LIMCH1: variants seen among roughly 807,000 people sequenced by gnomAD.
LIMCH1 encodes the protein LIM and calponin homology domains-containing protein 1.
Under a neutral mutation model 176.5 loss-of-function variants are expected in LIMCH1, and 113 were observed. The observed-to-expected ratio is 0.64, with a 90% CI of 0.55 to 0.75. The LOEUF (loss-of-function observed/expected upper bound fraction) is 0.75, where lower values mean the gene tolerates loss of function less well. LIMCH1 is among the 30% of genes least tolerant of loss of function. The pLI is 0.00. For missense variants in LIMCH1, 1,674 were observed against 1,814.9 expected (o/e 0.92, Z 1.41); for synonymous variants, 619 against 645.9 (o/e 0.96, Z 0.63).
chr4:41,501,886 T>TTAA (rs1491160799), intron 2 of LIMCH1, among the ~76,000 whole-genome samples: 1 of 97,936 alleles, frequency 1.0e-5, no homozygotes, highest in Non-Finnish European at 2.0e-5. Flanking sequence ...TTTTTTTTTT[T>TTAA]AAAAAAAACC....
At chr4:41,394,849 C>T (rs2057630902) in intron 1 of LIMCH1, among the ~76,000 whole-genome samples, 1 of 152,212 alleles carries the variant, frequency 6.6e-6, no homozygotes, top group Non-Finnish European at 1.5e-5. Flanking sequence ...AGAACAAGAA[C>T]ACTGCCTGTG....
At chr4:41,663,058 G>A (rs1170915120) in intron 20 of LIMCH1, 74 bp downstream of exon 20, 1 of 1,341,624 alleles carries the variant, frequency 7.5e-7, no homozygotes, top group Non-Finnish European at 1.0e-6. Flanking sequence ...AGCTGCTGCT[G>A]TGGCAGTTGT....
intron 1 of LIMCH1, among the ~76,000 whole-genome samples, chr4:41,574,305 C>G (rs1018501168): frequency 1.8e-5 from 2 of 112,924 alleles, no homozygotes; most frequent in Non-Finnish European, 3.5e-5. Flanking sequence ...CTCCCCTCTC[C>G]TTTTTTGAGA....
chr4:41,685,661 TA>T (rs752925107), intron 27 of LIMCH1, 48 bp from the exon 28 acceptor site: 1 of 1,607,716 alleles, frequency 6.2e-7, no homozygotes, highest in South Asian at 1.1e-5. Context: ...TCCTAGGTAG[TA>T]AGGTGATTTT....
At chr4:41,644,740 G>T (rs977341311) in intron 15 of LIMCH1, 114 bp downstream of exon 15, 16 of 1,289,510 alleles carry the variant, frequency 1.2e-5, no homozygotes, top group Admixed American at 1.1e-4. Context: ...CCCCTAGAGG[G>T]TTTCAAAAGG....
chr4:41,475,374 T>G (rs1440274501), intron 1 of LIMCH1, among the ~76,000 whole-genome samples: 57 of 152,222 alleles, frequency 3.7e-4, no homozygotes, highest in Admixed American at 3.7e-3. Context: ...AGTCCTATAA[T>G]GTATGTCATA....
intron 2 of LIMCH1, among the ~76,000 whole-genome samples, chr4:41,500,010 CTCAT>C (rs2072966071): frequency 6.6e-6 from 1 of 152,108 alleles, no homozygotes; most frequent in South Asian, 2.1e-4. Flanking sequence ...TAATTTCTTC[CTCAT>C]GGTTAAATCC....
chr4:41,689,479 G>C (rs202175487), intron 29 of LIMCH1, 48 bp from the exon 30 acceptor site: 66 of 977,486 alleles, frequency 6.8e-5, no homozygotes, highest in Admixed American at 1.7e-4. Context: ...TGTTTGACCA[G>C]GTATTCTAAA....
At chr4:41,480,962 C>G (rs7681185) in intron 1 of LIMCH1, among the ~76,000 whole-genome samples, 1 of 151,804 alleles carries the variant, frequency 6.6e-6, no homozygotes, top group East Asian at 1.9e-4. Context: ...TACAAGGGCT[C>G]GATCAGAGGA....
At chr4:41,475,305 AT>A (rs781406129) in intron 1 of LIMCH1, among the ~76,000 whole-genome samples, 1 of 152,210 alleles carries the variant, frequency 6.6e-6, no homozygotes, top group Non-Finnish European at 1.5e-5. Flanking sequence ...AAATTCTCCA[AT>A]TTCATGAATA....
intron 1 of LIMCH1, among the ~76,000 whole-genome samples, chr4:41,391,745 G>A (rs1239341338): frequency 2.0e-5 from 3 of 152,138 alleles, no homozygotes; most frequent in Admixed American, 2.0e-4. Flanking sequence ...TAAAAAGCAA[G>A]CAAAGACTGA....
intron 2 of LIMCH1, among the ~76,000 whole-genome samples, chr4:41,497,990 C>G (rs2072519739): frequency 6.6e-6 from 1 of 152,086 alleles, no homozygotes; most frequent in African/African-American, 2.4e-5. Flanking sequence ...GGGTGAACCA[C>G]TGAGTCTCAG....
intron 1 of LIMCH1, among the ~76,000 whole-genome samples, chr4:41,413,925 G>C (rs1253229170): frequency 6.6e-6 from 1 of 152,150 alleles, no homozygotes; most frequent in Non-Finnish European, 1.5e-5. Flanking sequence ...GGGTTAGCTG[G>C]TGCAGTTTTA....
chr4:41,685,560 T>TA, intron 27 of LIMCH1, 150 bp from the exon 28 acceptor site: 1 of 796,484 alleles, frequency 1.3e-6, no homozygotes, highest in Non-Finnish European at 2.0e-6. Context: ...TGCAGTGATT[T>TA]AAGTGGCCTC....
chr4:41,545,433 G>A (rs532379452), intron 1 of LIMCH1, among the ~76,000 whole-genome samples: 1 of 152,298 alleles, frequency 6.6e-6, no homozygotes, highest in Admixed American at 6.5e-5. Context: ...TCAGTACGAG[G>A]GGAGAGTTAC....
At chr4:41,557,964 C>T (rs2081512298) in intron 1 of LIMCH1, among the ~76,000 whole-genome samples, 1 of 152,036 alleles carries the variant, frequency 6.6e-6, no homozygotes, top group Non-Finnish European at 1.5e-5. Context: ...AACTTGATGT[C>T]CAACAGCTAG....
chr4:41,470,637 T>A (rs961911402), intron 1 of LIMCH1, among the ~76,000 whole-genome samples: 12 of 152,202 alleles, frequency 7.9e-5, no homozygotes, highest in African/African-American at 2.7e-4. Flanking sequence ...TTGCCCCAGA[T>A]CCAACAGACA....
chr4:41,562,032 T>G lies in LIMCH1; in HGVS notation c.-241+23682T>G, dbSNP rs1224311184. ...CATTATTGCTTGTGGGTTTGGGGCT[T>G]TATTTTGCTTCTGCCTCTGTTACGA... is the stretch of plus-strand genomic sequence containing the variant. On this transcript the variant is annotated intron_variant, in intron 1 of 31. Coordinates refer to ENST00000503057, the MANE Select transcript of LIMCH1 (RefSeq NM_001330672.2). Among the ~76,000 whole-genome samples the G allele has an allele frequency of 2.0e-5, 3 of 152,178 alleles. No homozygotes were observed. In the East Asian group the frequency reaches 5.8e-4, roughly 29 times the overall value.
At chr4:41,412,163 T>C (rs941116706) in intron 1 of LIMCH1, among the ~76,000 whole-genome samples, 1 of 152,090 alleles carries the variant, frequency 6.6e-6, no homozygotes, top group Admixed American at 6.5e-5. Context: ...CAGCGGGGCA[T>C]TGGAGTTGGT....
Sources: gnomAD v4.1 joint callset for allele counts (sites outside exome capture counted in the v4.1 genomes callset) on GRCh38, gnomAD v4.1.1 for gene constraint, MANE v1.5 for transcripts, NCBI Gene and HGNC (gene_info 2026-07-23, HGNC 2026-07-21) for gene names.